Variants in SH3D19 observed in about 807,000 individuals in gnomAD.
SH3D19 encodes SH3 domain containing 19, also known as SH3 domain-containing protein 19.
Under a neutral mutation model 112.1 loss-of-function variants are expected in SH3D19, and 58 were observed. The observed-to-expected ratio is 0.52, with a 90% CI of 0.42 to 0.64. The LOEUF (loss-of-function observed/expected upper bound fraction) is 0.64. SH3D19 is among the 30% of genes least tolerant of loss of function. The probability of loss-of-function intolerance (pLI) is 0.00; values close to 1 mark genes in which losing one functional copy is unlikely to be tolerated. For synonymous variants in SH3D19, 391 were observed against 448.5 expected (o/e 0.87, Z 1.62); for missense variants, 1,090 against 1,263.4 (o/e 0.86, Z 2.08).
chr4:151,137,099 C>A (rs1380747136), intron 14 of SH3D19, among the ~76,000 whole-genome samples: 2 of 152,184 alleles, frequency 1.3e-5, no homozygotes, highest in Non-Finnish European at 2.9e-5. Flanking sequence ...ACACAGCCAT[C>A]TGGGCTTACA....
At position 151,283,308 on chromosome 4, in the gene SH3D19, T is replaced by C. The variant is rs758682356; in HGVS notation, c.112+41933A>G. On this transcript the variant is annotated intron_variant, in intron 1 of 19. Transcript: ENST00000604030. ...CAAGGTCAGGGTTTGCTCTAGAGAA[T>C]TTTTTTTTAAACATGAGATCTTAAT... The C allele has an allele frequency of 1.9e-6, 3 of 1,561,960 alleles. No homozygotes were observed. In the African/African-American group the frequency reaches 4.1e-5, roughly 21 times the overall value.
At chr4:151,177,406 G>A (rs1451992381) in intron 4 of SH3D19, among the ~76,000 whole-genome samples, 1 of 151,686 alleles carries the variant, frequency 6.6e-6, no homozygotes. Flanking sequence ...GTGGTGACGC[G>A]ATCTCAATCT....
intron 1 of SH3D19, among the ~76,000 whole-genome samples, chr4:151,298,455 C>CCT (rs1561442551): frequency 7.9e-6 from 1 of 127,286 alleles, no homozygotes; most frequent in African/African-American, 2.6e-5. Context: ...GAATTACAGG[C>CCT]GTGAGCCACC....
intron 12 of SH3D19, 121 bp downstream of exon 12, chr4:151,143,789 A>C: frequency 1.7e-6 from 2 of 1,146,950 alleles, no homozygotes; most frequent in Non-Finnish European, 2.5e-6. Context: ...ATGCTACTGT[A>C]ATTTTTACTC....
intron 1 of SH3D19, among the ~76,000 whole-genome samples, chr4:151,228,844 A>C (rs2149953750): frequency 7.7e-6 from 1 of 129,412 alleles, no homozygotes; most frequent in East Asian, 2.5e-4. Context: ...CATTCTCTGA[A>C]TTTTTTCTTT....
intron 1 of SH3D19, among the ~76,000 whole-genome samples, chr4:151,324,109 T>G (rs1186200953): frequency 6.6e-6 from 1 of 152,262 alleles, no homozygotes. Context: ...CTTATTTTGA[T>G]GAAAAGTTGT....
intron 2 of SH3D19, among the ~76,000 whole-genome samples, chr4:151,211,577 T>TTA (rs1554054860): frequency 2.1e-5 from 3 of 141,770 alleles, no homozygotes; most frequent in Admixed American, 7.0e-5. Flanking sequence ...ATCTGTTAAT[T>TTA]AAAAAAAAAA....
At chr4:151,301,055 G>A (rs1728365259) in intron 1 of SH3D19, among the ~76,000 whole-genome samples, 1 of 152,196 alleles carries the variant, frequency 6.6e-6, no homozygotes, top group African/African-American at 2.4e-5. Flanking sequence ...AGAAATGTAA[G>A]TGATACGGTT....
At chr4:151,215,329 T>C (rs1442335195) in intron 2 of SH3D19, among the ~76,000 whole-genome samples, 1 of 152,226 alleles carries the variant, frequency 6.6e-6, no homozygotes, top group African/African-American at 2.4e-5. Flanking sequence ...TAGATAGTGA[T>C]ACACTTTAAG....
chr4:151,310,111 C>G (rs546622054), intron 1 of SH3D19, among the ~76,000 whole-genome samples: 1 of 150,554 alleles, frequency 6.6e-6, no homozygotes, highest in Non-Finnish European at 1.5e-5. Flanking sequence ...TGGTGGCTCA[C>G]GCCTGTAATC....
chr4:151,227,402 T>C (rs1316329118), intron 1 of SH3D19, among the ~76,000 whole-genome samples: 1 of 152,216 alleles, frequency 6.6e-6, no homozygotes, highest in African/African-American at 2.4e-5. Context: ...AGTAAAAAGA[T>C]TCACAATAAA....
chr4:151,218,984 T>C (rs930633994), intron 2 of SH3D19, among the ~76,000 whole-genome samples: 1 of 152,192 alleles, frequency 6.6e-6, no homozygotes, highest in Non-Finnish European at 1.5e-5. Flanking sequence ...ACTGTAACTA[T>C]CCTTCTACAG....
At chr4:151,232,474 T>C (rs531137161) in intron 1 of SH3D19, among the ~76,000 whole-genome samples, 1 of 152,274 alleles carries the variant, frequency 6.6e-6, no homozygotes, top group South Asian at 2.1e-4. Context: ...ATACCACAAA[T>C]GTCAGCTGCC....
chr4:151,243,361 A>C (rs1286644001), intron 1 of SH3D19, among the ~76,000 whole-genome samples: 1 of 152,262 alleles, frequency 6.6e-6, no homozygotes, highest in African/African-American at 2.4e-5. Flanking sequence ...TATAAAATGA[A>C]AAAGAAATGT....
chr4:151,272,163 G>C (rs914279662), intron 1 of SH3D19, among the ~76,000 whole-genome samples: 1 of 152,178 alleles, frequency 6.6e-6, no homozygotes, highest in African/African-American at 2.4e-5. Flanking sequence ...ACTATTTATA[G>C]ACAGATAATG....
At chr4:151,137,273 AT>A (rs35550686) in intron 14 of SH3D19, among the ~76,000 whole-genome samples, 12 of 151,972 alleles carry the variant, frequency 7.9e-5, no homozygotes, top group Middle Eastern at 3.4e-3. Context: ...TCCCAAATAA[AT>A]TTTTTTTTAA....
At chr4:151,291,313 C>T (rs765782154) in intron 1 of SH3D19, 8 of 1,613,766 alleles carry the variant, frequency 5.0e-6, no homozygotes, top group South Asian at 2.2e-5. Flanking sequence ...CCCTATTGTC[C>T]TACTCTCTCT....
intron 19 of SH3D19, among the ~76,000 whole-genome samples, chr4:151,125,845 C>CAAAAAAAA (rs66688611): frequency 1.2e-3 from 109 of 94,202 alleles, no homozygotes; most frequent in Middle Eastern, 9.3e-3. Context: ...ATCTCAAAAA[C>CAAAAAAAA]AAAAAAAAAA....
chr4:151,243,185 A>G (rs1333457250), intron 1 of SH3D19, among the ~76,000 whole-genome samples: 1 of 152,230 alleles, frequency 6.6e-6, no homozygotes, highest in Admixed American at 6.5e-5. Flanking sequence ...TTATGATGCT[A>G]ATCAGCTTGG....
Sources: gnomAD v4.1 joint callset for allele counts (sites outside exome capture counted in the v4.1 genomes callset) on GRCh38, gnomAD v4.1.1 for gene constraint, MANE v1.5 for transcripts, NCBI Gene and HGNC (gene_info 2026-07-23, HGNC 2026-07-21) for gene names.